The following ARHGEF3 variants were observed in gnomAD, a reference collection of about 807,000 sequenced individuals.
The protein encoded by ARHGEF3 is 59.8 kDA protein.
ARHGEF3 carries 28 observed loss-of-function variants against 63.2 expected under a neutral mutation model. The observed-to-expected ratio is 0.44, with a 90% confidence interval of 0.33 to 0.61. ARHGEF3 has a LOEUF of 0.61. Ranked by LOEUF, ARHGEF3 falls within the 20% of genes least tolerant of loss-of-function variation. ARHGEF3 has a pLI of 0.03. For missense variants in ARHGEF3, 533 were observed against 659.3 expected (o/e 0.81, Z 2.10); for synonymous variants, 266 against 254.2 (o/e 1.05, Z -0.44).
intron 4 of ARHGEF3, among the ~76,000 whole-genome samples, chr3:56,835,525 A>C (rs1186618502): frequency 6.6e-6 from 1 of 152,138 alleles, no homozygotes; most frequent in East Asian, 1.9e-4. Context: ...TCACGCATTA[A>C]AATTAAATAA....
At chr3:56,994,482 T>C (rs1254912227) in intron 2 of ARHGEF3, among the ~76,000 whole-genome samples, 5 of 151,740 alleles carry the variant, frequency 3.3e-5, no homozygotes, top group Non-Finnish European at 7.4e-5. Flanking sequence ...AACATGACTA[T>C]TTTTCTAAAA....
chr3:57,019,786 T>C lies in ARHGEF3; in HGVS notation c.62+15302A>G, dbSNP rs570438083. Among the ~76,000 whole-genome samples the C allele has an allele frequency of 6.5e-3, 990 of 152,318 alleles. 7 individuals are homozygous for C. The highest frequency in any genetic ancestry group is 0.023 in the African/African-American group (937 of 41,574). On this transcript the variant is annotated intron_variant, in intron 2 of 12. Transcript: ENST00000338458. The stretch of plus-strand genomic sequence containing the variant: ...GGAATTGACAAGAAGGATTATTATA[T>C]GTGGCTGAGAGGCTGGGGGTAAGGG...
chr3:56,919,805 TA>T (rs1167943396), intron 3 of ARHGEF3, among the ~76,000 whole-genome samples: 1 of 152,184 alleles, frequency 6.6e-6, no homozygotes, highest in East Asian at 1.9e-4. Context: ...TTTGCAGATT[TA>T]AAAAAACTGA....
intron 1 of ARHGEF3, among the ~76,000 whole-genome samples, chr3:56,795,611 G>C (rs1436011661): frequency 6.7e-6 from 1 of 149,658 alleles, no homozygotes; most frequent in Non-Finnish European, 1.5e-5. Flanking sequence ...CCAGTAGAAG[G>C]TTTGGAAACC....
rs867368477 is a variant in ARHGEF3, at chr3:56,953,220, G to C, written c.129+5603C>G. Reference sequence around the variant, plus strand: ...CCACAATACATACTGACCTGGCCTGGTGTGTTGTGAGCATTAGAGACTCTG... The same window carrying C: ...CCACAATACATACTGACCTGGCCTGCTGTGTTGTGAGCATTAGAGACTCTG... On this transcript the variant is annotated intron_variant, in intron 3 of 12. Transcript: ENST00000338458. 5.9e-5 allele frequency among the ~76,000 whole-genome samples: 9 copies of C among 152,324 alleles called. No homozygotes were observed. The South Asian group carries it at 6.2e-4, about 11-fold the overall frequency.
At chr3:56,992,374 TTAAAAAAAAAAAAA>T (rs1193471400) in intron 2 of ARHGEF3, among the ~76,000 whole-genome samples, 5 of 46,640 alleles carry the variant, frequency 1.1e-4, no homozygotes, top group African/African-American at 3.4e-4. Flanking sequence ...GAGGATGGCT[TTAAAAAAAAAAAAA>T]AAAAAAAAAA....
intron 4 of ARHGEF3, among the ~76,000 whole-genome samples, chr3:56,811,503 G>A (rs1559960886): frequency 6.6e-6 from 1 of 152,168 alleles, no homozygotes; most frequent in Non-Finnish European, 1.5e-5. Context: ...ACTGGCTGGC[G>A]TATGCTAGAA....
In ARHGEF3 at chr3:56,751,294, T is replaced by C; in HGVS notation, c.535+6A>G. The C allele has an allele frequency of 6.2e-7, 1 of 1,608,464 alleles. No individual in the cohort carries two copies. The highest frequency in any genetic ancestry group is 1.3e-5 in the African/African-American group (1 of 74,872). ...GTCACGACTCATCCTGGGAACAAAA[T>C]TATACCTTCATGTAGAGGAATTAGA... On this transcript the variant is annotated splice_donor_region_variant and intron_variant, in intron 5 of 9. Transcript: ENST00000296315.
At chr3:56,865,032 C>T (rs1476031029) in intron 4 of ARHGEF3, among the ~76,000 whole-genome samples, 3 of 152,110 alleles carry the variant, frequency 2.0e-5, no homozygotes, top group Non-Finnish European at 2.9e-5. Context: ...ATATAAAACA[C>T]AGCAATAACC....
intron 3 of ARHGEF3, chr3:56,958,801 G>T: frequency 6.5e-7 from 1 of 1,546,232 alleles, no homozygotes; most frequent in Non-Finnish European, 8.8e-7. Flanking sequence ...TAACAGCAGG[G>T]GCTACCCAGG....
At chr3:56,772,844 G>A (rs2036079803) in intron 2 of ARHGEF3, among the ~76,000 whole-genome samples, 1 of 152,110 alleles carries the variant, frequency 6.6e-6, no homozygotes, top group South Asian at 2.1e-4. Context: ...TGGCATCATG[G>A]CAAATTTACT....
intron 4 of ARHGEF3, among the ~76,000 whole-genome samples, chr3:56,844,430 T>A (rs911720361): frequency 3.9e-5 from 6 of 152,178 alleles, no homozygotes; most frequent in Admixed American, 3.9e-4. Context: ...GAATCTTGTC[T>A]GCCTCTGTTA....
intron 1 of ARHGEF3, among the ~76,000 whole-genome samples, chr3:56,782,867 TG>T (rs1297885533): frequency 3.3e-5 from 5 of 152,196 alleles, no homozygotes; most frequent in Non-Finnish European, 7.3e-5. Context: ...CAAGAGAGTC[TG>T]GGCAAACCCA....
At chr3:57,055,642 G>C (rs1704895523) in intron 1 of ARHGEF3, among the ~76,000 whole-genome samples, 2 of 151,982 alleles carry the variant, frequency 1.3e-5, no homozygotes, top group Admixed American at 1.3e-4. Context: ...ATACTTTTAG[G>C]GTAAAGTCCT....
intron 2 of ARHGEF3, among the ~76,000 whole-genome samples, chr3:56,759,251 C>T (rs2035278746): frequency 6.7e-6 from 1 of 148,644 alleles, no homozygotes; most frequent in Non-Finnish European, 1.5e-5. Context: ...GATCTCGGCT[C>T]ACTGCAAGCT....
At chr3:56,968,012 A>T (rs1700669079) in intron 2 of ARHGEF3, among the ~76,000 whole-genome samples, 5 of 44,158 alleles carry the variant, frequency 1.1e-4, no homozygotes, top group Non-Finnish European at 1.6e-4. Flanking sequence ...TATATTTTTA[A>T]ATATAAAACA....
intron 2 of ARHGEF3, among the ~76,000 whole-genome samples, chr3:56,758,440 A>AATATATATAG (rs2035230611): frequency 6.6e-6 from 1 of 151,952 alleles, no homozygotes; most frequent in African/African-American, 2.4e-5. Context: ...AAATTAAAAA[A>AATATATATAG]ATATATATAG....
At chr3:56,976,591 T>A (rs1394219964) in intron 2 of ARHGEF3, among the ~76,000 whole-genome samples, 1 of 152,236 alleles carries the variant, frequency 6.6e-6, no homozygotes, top group Admixed American at 6.5e-5. Flanking sequence ...TGGGCATTTA[T>A]AATAAATGTT....
chr3:56,796,008 A>G (rs1271828538), intron 1 of ARHGEF3, among the ~76,000 whole-genome samples: 2 of 151,760 alleles, frequency 1.3e-5, no homozygotes, highest in African/African-American at 2.4e-5. Context: ...AATAGAAACC[A>G]CTGGCTTTCA....
Sources: allele counts gnomAD v4.1 joint callset (sites outside exome capture counted in the v4.1 genomes callset), GRCh38; gene constraint gnomAD v4.1.1; transcripts MANE v1.5; gene names NCBI Gene and HGNC (gene_info 2026-07-23, HGNC 2026-07-21).